Variants in LHX9 observed in about 807,000 individuals in gnomAD.
LHX9 encodes LIM/homeobox protein Lhx9.
In LHX9, 9 loss-of-function variants were observed where a neutral mutation model predicts 36.5. The observed-to-expected ratio is 0.25, with a 90% confidence interval of 0.15 to 0.43. The LOEUF (loss-of-function observed/expected upper bound fraction) is 0.43. Among genes scored for constraint, LHX9 ranks in the 20% least tolerant of loss-of-function variants. The pLI is 1.00. For missense variants in LHX9, 464 were observed against 526.4 expected (o/e 0.88, Z 1.16); for synonymous variants, 211 against 212.1 (o/e 0.99, Z 0.04).
chr1:197,914,439 TCTG>T (rs911370834), upstream of LHX9, among the ~76,000 whole-genome samples: 21 of 151,062 alleles, frequency 1.4e-4, no homozygotes, highest in Non-Finnish European at 2.5e-4. Context: ...CCTCAGCCCC[TCTG>T]CTGGAGAGGT....
rs913659496 is a variant in LHX9, at chr1:197,921,813, G to C, written c.733+154G>C. On this transcript the variant is annotated intron_variant, in intron 3 of 4. Coordinates refer to ENST00000367387, the MANE Select transcript of LHX9 (RefSeq NM_020204.3). This position sits in a 1 kb window ranked among gnomAD's most constrained non-coding sequence, Gnocchi z 4.6. ...CCCTCTCACTCTGAAGGAAGGGAGA[G>C]AGGGAGGAGGAGGGGGGAAGGGAGG... Among the ~76,000 whole-genome samples, 4 of 152,222 alleles carry C rather than the reference G, an allele frequency of 2.6e-5. No homozygotes were observed. In the South Asian group the frequency reaches 8.3e-4, roughly 32 times the overall value.
chr1:197,924,933 TTTAGC>T lies in LHX9; in HGVS notation c.734-2657_734-2653del, dbSNP rs1660100825. On this transcript the variant is annotated intron_variant, in intron 3 of 4. Coordinates refer to ENST00000367387, the MANE Select transcript of LHX9 (RefSeq NM_020204.3). ...GGGGAGTGGGGGAATCCCCTACAGC[TTTAGC>T]AATAGGCCTTGGAGAAACAGTCATT... Among the ~76,000 whole-genome samples, 7 of 115,878 alleles carry T rather than the reference TTTAGC, an allele frequency of 6.0e-5. 2 individuals are homozygous for T. The highest frequency in any genetic ancestry group is 8.9e-5 in the Non-Finnish European group (5 of 56,288). The allele number at this position is 115,878 out of a possible 152,430, so 76.0% of individuals were successfully genotyped here. A position where few individuals can be genotyped will look rare whatever the true frequency, so the allele number is the denominator to read the frequency against.
chr1:197,912,896 C>T (rs1659657249), upstream of LHX9: 6 of 367,558 alleles, frequency 1.6e-5, no homozygotes, highest in South Asian at 2.2e-4. Context: ...CTCCGGGGAG[C>T]TGCTGGGGGT....
chr1:197,933,605 T>A lies in LHX9; in HGVS notation c.*4346T>A, dbSNP rs1376906784. On this transcript the variant is annotated 3_prime_UTR_variant, in exon 5 of 5. Coordinates refer to ENST00000367387, the MANE Select transcript of LHX9 (RefSeq NM_020204.3). ...TTTCATTTAGAAGTATTTTGGAACT[T>A]CGCCTGGTTTTACAGACCTTTAAAT... 1.3e-5 allele frequency: 2 copies of A among 152,118 alleles called. No individual in the cohort carries two copies. The highest frequency in any genetic ancestry group is 4.8e-5 in the African/African-American group (2 of 41,424). The allele number at this position is 152,118 out of a possible 1,614,324, so 9.4% of individuals were successfully genotyped here. A position where few individuals can be genotyped will look rare whatever the true frequency, so the allele number is the denominator to read the frequency against.
Position 197,921,227 on chromosome 1 carries a change from C to A in LHX9, c.378-77C>A. On this transcript the variant is annotated intron_variant, in intron 2 of 4. Transcript: ENST00000367387. This position sits in a 1 kb window ranked among gnomAD's most constrained non-coding sequence, Gnocchi z 4.6. ...GGTCCCAGTCTCAGGCCACTGCAGACCAAACCCAGGTGTCGCGGGTGGGAT... is the reference window on the plus strand; with the variant it reads ...GGTCCCAGTCTCAGGCCACTGCAGAACAAACCCAGGTGTCGCGGGTGGGAT... The A allele has an allele frequency of 7.7e-7, 1 of 1,299,306 alleles. No individual in the cohort carries two copies. The allele number at this position is 1,299,306 out of a possible 1,614,324, so 80.5% of individuals were successfully genotyped here.
chr1:197,912,883 A>G, upstream of LHX9: 2 of 381,868 alleles, frequency 5.2e-6, no homozygotes, highest in Non-Finnish European at 4.7e-6. Flanking sequence ...CGCGCTCCTG[A>G]CCCTCCGGGG....
rs1660355519 is a variant in LHX9 at position 197,932,577 on chromosome 1, A to G, written c.*3318A>G. 6.6e-6 allele frequency: 1 copy of G among 152,066 alleles called. No individual in the cohort carries two copies. Among genetic ancestry groups the G allele is most frequent in the African/African-American group, 2.4e-5 (1 of 41,444 alleles). 9.4% of individuals were successfully genotyped at this position (152,066 alleles called of 1,614,324 possible). A position where few individuals can be genotyped will look rare whatever the true frequency, so the allele number is the denominator to read the frequency against. ...AAATAGCTTTCATTAATAAACATTT[A>G]TTTGATGCAAACATAGTTAACTTTA... is the stretch of plus-strand genomic sequence containing the variant. On this transcript the variant is annotated 3_prime_UTR_variant, in exon 5 of 5. Transcript: ENST00000367387.
intron 3 of LHX9, 98 bp from the exon 4 acceptor site, chr1:197,927,493 C>A: frequency 2.0e-6 from 2 of 1,003,544 alleles, no homozygotes; most frequent in Non-Finnish European, 3.1e-6. Flanking sequence ...TTTTTCACTG[C>A]TGCTTTATTA....
Position 197,930,305 on chromosome 1 carries a change from T to G in LHX9, c.*1046T>G. 1 of 155,996 alleles carries G rather than the reference T, an allele frequency of 6.4e-6. No individual in the cohort carries two copies. Among genetic ancestry groups the G allele is most frequent in the Non-Finnish European group, 1.4e-5 (1 of 71,388 alleles). The allele number at this position is 155,996 out of a possible 1,614,324, so 9.7% of individuals were successfully genotyped here. Reference sequence around the variant, plus strand: ...CATAGGTTGACTTATGTATTGAAAATAATTTTTCTGATATTAGAGATTTGA... The same window carrying G: ...CATAGGTTGACTTATGTATTGAAAAGAATTTTTCTGATATTAGAGATTTGA... On this transcript the variant is annotated 3_prime_UTR_variant, in exon 5 of 5. Transcript: ENST00000367387.
rs967478187 is a variant in LHX9 at position 197,917,439 on chromosome 1, C to T, written c.-385C>T. ...CCAGGGAACGCTGAAAATAGCACGT[C>T]TTTTTCTTTCTTTGTGTTCAAAACT... On this transcript the variant is annotated 5_prime_UTR_variant, in exon 1 of 5. Transcript: ENST00000367387. 2 of 1,316,352 alleles carry T rather than the reference C, an allele frequency of 1.5e-6. No homozygotes were observed. Among genetic ancestry groups the T allele is most frequent in the African/African-American group, 1.5e-5 (1 of 66,354 alleles). The allele number at this position is 1,316,352 out of a possible 1,614,324, so 81.5% of individuals were successfully genotyped here.
chr1:197,921,243 C>T lies in LHX9; in HGVS notation c.378-61C>T. On this transcript the variant is annotated intron_variant, in intron 2 of 4. Coordinates refer to ENST00000367387, the MANE Select transcript of LHX9 (RefSeq NM_020204.3). The surrounding 1 kb of genome is among the most constrained non-coding windows in gnomAD (Gnocchi z 4.6). ...CACTGCAGACCAAACCCAGGTGTCG[C>T]GGGTGGGATATGGCTCTGCCTTGCT... The T allele has an allele frequency of 7.0e-7, 1 of 1,435,886 alleles. No homozygotes were observed. Among genetic ancestry groups the T allele is most frequent in the Non-Finnish European group, 9.6e-7 (1 of 1,046,902 alleles). The allele number at this position is 1,435,886 out of a possible 1,614,324, so 88.9% of individuals were successfully genotyped here. A position where few individuals can be genotyped will look rare whatever the true frequency, so the allele number is the denominator to read the frequency against.
At chr1:197,916,825 G>C (rs1387130672), upstream of LHX9, 4 of 701,718 alleles carry the variant, frequency 5.7e-6, no homozygotes, top group Non-Finnish European at 1.0e-5. Flanking sequence ...GGGAGGAGAG[G>C]AACCAGCATT....
chr1:197,913,288 G>C (rs1276318819), upstream of LHX9: 2 of 152,442 alleles, frequency 1.3e-5, no homozygotes. Context: ...ACGCGCGAAA[G>C]GGCAGGGCCT....
chr1:197,927,522 G>C, intron 3 of LHX9, 69 bp from the exon 4 acceptor site: 1 of 1,318,174 alleles, frequency 7.6e-7, no homozygotes, highest in Non-Finnish European at 1.1e-6. Context: ...GTGTCATACA[G>C]CCTGCCATCA....
rs1399167072 is a variant in LHX9, at chr1:197,930,104, A to G, written c.*845A>G. 1 of 946,100 alleles carries G rather than the reference A, an allele frequency of 1.1e-6. No individual in the cohort carries two copies. The highest frequency in any genetic ancestry group is 1.3e-6 in the Non-Finnish European group (1 of 794,186). The allele number at this position is 946,100 out of a possible 1,614,324, so 58.6% of individuals were successfully genotyped here. A position where few individuals can be genotyped will look rare whatever the true frequency, so the allele number is the denominator to read the frequency against. ...TTTCCCAGGGAAAATGGAAATAAGC[A>G]AAATATAATGTTTTAAGAAGTAAAA... On this transcript the variant is annotated 3_prime_UTR_variant, in exon 5 of 5. Transcript: ENST00000367387.
At chr1:197,928,117 TTAA>T (rs1429252729) in intron 4 of LHX9, among the ~76,000 whole-genome samples, 5 of 152,184 alleles carry the variant, frequency 3.3e-5, no homozygotes, top group Admixed American at 3.3e-4. Flanking sequence ...TCGATTTCCA[TTAA>T]TATTATGCTC....
chr1:197,927,482 C>G, intron 3 of LHX9, 109 bp from the exon 4 acceptor site: 1 of 933,536 alleles, frequency 1.1e-6, no homozygotes, highest in Non-Finnish European at 1.7e-6. Flanking sequence ...GGTTGACAAC[C>G]TTTTTCACTG....
At chr1:197,925,001 T>C (rs2102599395) in intron 3 of LHX9, among the ~76,000 whole-genome samples, 1 of 112,916 alleles carries the variant, frequency 8.9e-6, no homozygotes, top group South Asian at 3.5e-4. Flanking sequence ...TAAACATAAA[T>C]AATATCAGAT....
chr1:197,928,902 A>AG (rs1660230492), intron 4 of LHX9, 100 bp from the exon 5 acceptor site: 22 of 1,349,456 alleles, frequency 1.6e-5, no homozygotes, highest in East Asian at 5.3e-5. Flanking sequence ...TCAAAAAAAA[A>AG]AAAGAAAGAA....
Sources: allele counts gnomAD v4.1 joint callset (sites outside exome capture counted in the v4.1 genomes callset), GRCh38; gene constraint gnomAD v4.1.1; non-coding constraint Gnocchi (gnomAD v3.1); transcripts MANE v1.5; gene names NCBI Gene and HGNC (gene_info 2026-07-23, HGNC 2026-07-21).